STARD3NL: variants seen among roughly 807,000 people sequenced by gnomAD.
STARD3NL encodes the protein STARD3 N-terminal like.
Under a neutral mutation model 30.9 loss-of-function variants are expected in STARD3NL, and 17 were observed. The observed-to-expected ratio is 0.55, with a 90% CI of 0.38 to 0.82. The LOEUF is 0.82. STARD3NL is among the 40% of genes least tolerant of loss of function. The pLI is 0.00. For synonymous variants in STARD3NL, 112 were observed against 100.5 expected (o/e 1.11, Z -0.69); for missense variants, 234 against 277.6 (o/e 0.84, Z 1.12).
In STARD3NL at chr7:38,191,545, G is replaced by A. The variant is rs371023756; in HGVS notation, c.-59+13125G>A. On this transcript the variant is annotated intron_variant, in intron 1 of 8. Transcript: ENST00000009041. Reference sequence around the variant, plus strand: ...ATTTTTACGTTTAGGTCTGTAAATCGTCTTAAATTATTTTTTACCTGGTGT... The same window carrying A: ...ATTTTTACGTTTAGGTCTGTAAATCATCTTAAATTATTTTTTACCTGGTGT... 4.1e-4 allele frequency among the ~76,000 whole-genome samples: 62 copies of A among 152,102 alleles called. No individual in the cohort carries two copies. In the East Asian group the frequency reaches 4.8e-3, roughly 12 times the overall value.
intron 1 of STARD3NL, among the ~76,000 whole-genome samples, chr7:38,205,705 A>G (rs1422985382): frequency 6.6e-6 from 1 of 152,218 alleles, no homozygotes; most frequent in Non-Finnish European, 1.5e-5. Context: ...GAGCCAACAC[A>G]TGACTAAAAC....
chr7:38,215,206 G>T, intron 4 of STARD3NL, 101 bp downstream of exon 4: 1 of 1,106,136 alleles, frequency 9.0e-7, no homozygotes, highest in Non-Finnish European at 1.3e-6. Flanking sequence ...TCTAATGCAG[G>T]TGGAATCCCA....
intron 1 of STARD3NL, among the ~76,000 whole-genome samples, chr7:38,202,824 T>C (rs927566981): frequency 1.3e-4 from 19 of 149,392 alleles, no homozygotes; most frequent in Non-Finnish European, 2.4e-4. Context: ...ACATGCGGTG[T>C]TTGGTTTTTT....
At chr7:38,183,239 T>A (rs777715892) in intron 1 of STARD3NL, among the ~76,000 whole-genome samples, 4 of 152,160 alleles carry the variant, frequency 2.6e-5, no homozygotes, top group African/African-American at 7.2e-5. Context: ...ATAGAGGGCT[T>A]TCTTTGTGCC....
intron 1 of STARD3NL, among the ~76,000 whole-genome samples, chr7:38,188,953 A>G (rs781748448): frequency 5.9e-5 from 9 of 152,194 alleles, no homozygotes; most frequent in Non-Finnish European, 1.2e-4. Flanking sequence ...AAATTTTTCT[A>G]AGTCATTGAT....
chr7:38,202,182 T>C (rs908429019), intron 1 of STARD3NL: 3 of 152,252 alleles, frequency 2.0e-5, no homozygotes, highest in Non-Finnish European at 4.4e-5. Flanking sequence ...ATTGATCTCA[T>C]TAAGACAGAA....
intron 7 of STARD3NL, among the ~76,000 whole-genome samples, chr7:38,224,488 T>C (rs1786644373): frequency 6.6e-6 from 1 of 152,224 alleles, no homozygotes; most frequent in South Asian, 2.1e-4. Context: ...TCTGAAAATA[T>C]TAAATGGAAA....
intron 1 of STARD3NL, among the ~76,000 whole-genome samples, chr7:38,188,159 A>G (rs1784539862): frequency 6.6e-6 from 1 of 152,164 alleles, no homozygotes; most frequent in Non-Finnish European, 1.5e-5. Flanking sequence ...GTGTCTTCCC[A>G]TCTCATTCAG....
intron 1 of STARD3NL, among the ~76,000 whole-genome samples, chr7:38,192,953 T>A (rs1562600334): frequency 6.6e-6 from 1 of 152,130 alleles, no homozygotes. Flanking sequence ...GGTTTTTTTT[T>A]ATGTCAGGGA....
In STARD3NL at chr7:38,199,323, A is replaced by C. The variant is rs142893612; in HGVS notation, c.-58-8124A>C. ...TGAAATGACATCTGGAAAAATACCC[A>C]AGCTTTTCCTCAGAAACAAAAACAA... On this transcript the variant is annotated intron_variant, in intron 1 of 8. Transcript: ENST00000009041. 4.3e-4 allele frequency among the ~76,000 whole-genome samples: 65 copies of C among 152,324 alleles called. No individual in the cohort carries two copies. In the Middle Eastern group the frequency reaches 0.01, roughly 24 times the overall value.
At position 38,193,619 on chromosome 7, in the gene STARD3NL, G is replaced by A. The variant is rs181342455; in HGVS notation, c.-58-13828G>A. Among the ~76,000 whole-genome samples, 60 of 152,268 alleles carry A rather than the reference G, an allele frequency of 3.9e-4. 1 individual carries two copies. The highest frequency in any genetic ancestry group is 1.4e-3 in the African/African-American group (59 of 41,564). On this transcript the variant is annotated intron_variant, in intron 1 of 8. Coordinates refer to ENST00000009041, the MANE Select transcript of STARD3NL (RefSeq NM_032016.4). ...AGCCAGGATTAGTTTTTATCTATAT[G>A]TGTTTTGAATTATGTGAGGTTTTAG...
intron 1 of STARD3NL, among the ~76,000 whole-genome samples, chr7:38,182,360 A>G (rs1784284473): frequency 6.6e-6 from 1 of 152,190 alleles, no homozygotes; most frequent in African/African-American, 2.4e-5. Flanking sequence ...GCACACTGTC[A>G]CAAATAAAAT....
chr7:38,206,486 A>G (rs1785494177), intron 1 of STARD3NL, among the ~76,000 whole-genome samples: 1 of 152,180 alleles, frequency 6.6e-6, no homozygotes, highest in South Asian at 2.1e-4. Flanking sequence ...TCCCATCCAT[A>G]AGCAGATCAG....
At chr7:38,191,230 T>C (rs575977755) in intron 1 of STARD3NL, among the ~76,000 whole-genome samples, 4 of 152,364 alleles carry the variant, frequency 2.6e-5, no homozygotes, top group African/African-American at 4.8e-5. Context: ...TACATTTTTA[T>C]GTGACTTTTT....
chr7:38,207,302 T>C lies in STARD3NL; in HGVS notation c.-58-145T>C, dbSNP rs562006972. 4.2e-5 allele frequency: 24 copies of C among 569,726 alleles called. 1 individual carries two copies. The South Asian group carries it at 5.0e-4, about 12-fold the overall frequency. The allele number at this position is 569,726 out of a possible 1,614,324, so 35.3% of individuals were successfully genotyped here. A position where few individuals can be genotyped will look rare whatever the true frequency, so the allele number is the denominator to read the frequency against. On this transcript the variant is annotated intron_variant, in intron 1 of 8. Coordinates refer to ENST00000009041, the MANE Select transcript of STARD3NL (RefSeq NM_032016.4). Reference sequence around the variant, plus strand: ...CATTATGTGTTGCTTCTCATTTCTCTTTCTCTTTATGTCTTCATGAAAACA... The same window carrying C: ...CATTATGTGTTGCTTCTCATTTCTCCTTCTCTTTATGTCTTCATGAAAACA...
At chr7:38,227,239 G>A (rs1786822632) in intron 7 of STARD3NL, among the ~76,000 whole-genome samples, 1 of 152,144 alleles carries the variant, frequency 6.6e-6, no homozygotes, top group African/African-American at 2.4e-5. Context: ...CAGTGCCACT[G>A]GCCTAGCAGA....
At chr7:38,227,750 A>G (rs1349958743) in intron 7 of STARD3NL, among the ~76,000 whole-genome samples, 1 of 152,124 alleles carries the variant, frequency 6.6e-6, no homozygotes, top group Non-Finnish European at 1.5e-5. Flanking sequence ...GAAATCACGT[A>G]TCCTTCAAAT....
chr7:38,186,261 A>G (rs1415633475), intron 1 of STARD3NL, among the ~76,000 whole-genome samples: 1 of 152,212 alleles, frequency 6.6e-6, no homozygotes, highest in Non-Finnish European at 1.5e-5. Context: ...GGCAAAAATA[A>G]TGGTAACTTC....
intron 1 of STARD3NL, chr7:38,179,007 TC>T (rs1370204337): frequency 6.6e-6 from 1 of 152,214 alleles, no homozygotes; most frequent in Non-Finnish European, 1.5e-5. Flanking sequence ...TAGGGATTTT[TC>T]CCCCTCTCTT....
Sources: allele counts gnomAD v4.1 joint callset (sites outside exome capture counted in the v4.1 genomes callset), GRCh38; gene constraint gnomAD v4.1.1; transcripts MANE v1.5; gene names NCBI Gene and HGNC (gene_info 2026-07-23, HGNC 2026-07-21).